IZUMO4: variants seen among roughly 807,000 people sequenced by gnomAD.
IZUMO4 encodes the protein IZUMO family member 4, also known as izumo sperm-egg fusion protein 4.
A neutral mutation model predicts 37.1 loss-of-function variants in IZUMO4; 51 were observed. That is an observed-to-expected ratio of 1.38 (90% CI 1.10 to 1.74). IZUMO4 has a LOEUF of 1.74. Among genes scored for constraint, IZUMO4 ranks in the 40% most tolerant of loss-of-function variants. The probability of loss-of-function intolerance (pLI) is 0.00; values close to 1 mark genes in which losing one functional copy is unlikely to be tolerated. For missense variants in IZUMO4, 364 were observed against 299.6 expected, an observed-to-expected ratio of 1.21 and a Z score of -1.59; for synonymous variants, 162 against 121.4, an observed-to-expected ratio of 1.33 and a Z score of -2.20.
Position 2,099,409 on chromosome 19 carries a change from T to C in IZUMO4, c.*64T>C, listed in dbSNP as rs1311698636. ...GACTCAGCTGGACAGCCCCTGCCTGTCACTCTGGAGCTGGGCTGCTGCTGC... is the reference window on the plus strand; with the variant it reads ...GACTCAGCTGGACAGCCCCTGCCTGCCACTCTGGAGCTGGGCTGCTGCTGC... On this transcript the variant is annotated 3_prime_UTR_variant, in exon 10 of 10. Transcript: ENST00000395301. The C allele has an allele frequency of 1.9e-6, 2 of 1,065,958 alleles. No homozygotes were observed. Among genetic ancestry groups the C allele is most frequent in the African/African-American group, 1.6e-5 (1 of 61,686 alleles). 66.0% of individuals were successfully genotyped at this position (1,065,958 alleles called of 1,614,324 possible). A position where few individuals can be genotyped will look rare whatever the true frequency, so the allele number is the denominator to read the frequency against.
At chr19:2,099,223 T>C (rs2017838348) in intron 9 of IZUMO4, 32 bp from the exon 10 acceptor site, 3 of 1,585,232 alleles carry the variant, frequency 1.9e-6, no homozygotes, top group African/African-American at 2.7e-5. Flanking sequence ...GTGGGGGACA[T>C]GGAGAGCTGA....
Position 2,097,014 on chromosome 19 carries a change from C to T in IZUMO4, c.69C>T (p.Ser23=). 4 of 1,611,734 alleles carry T rather than the reference C, an allele frequency of 2.5e-6. No homozygotes were observed. In the African/African-American group the frequency reaches 5.3e-5, roughly 21 times the overall value. The change falls in exon 1 of 10, where the codon AGC becomes AGT. Residue 23 remains serine (S), a synonymous_variant. Coordinates refer to ENST00000395301, the MANE Select transcript of IZUMO4 (RefSeq NM_001039846.2). The part of the protein sequence containing the change: ...ALAHGCLHCH[S]NFSKKFSFYR... ...CCCACGGCTGTCTGCACTGCCACAGCAACTTCTCCAAGAAGTTCTCCTTCT... is the reference window on the plus strand; with the variant it reads ...CCCACGGCTGTCTGCACTGCCACAGTAACTTCTCCAAGAAGTTCTCCTTCT...
Position 2,097,310 on chromosome 19 carries a change from C to T in IZUMO4, c.276C>T (p.Tyr92=), listed in dbSNP as rs1228835564. 3 of 1,612,768 alleles carry T rather than the reference C, an allele frequency of 1.9e-6. No individual in the cohort carries two copies. The highest frequency in any genetic ancestry group is 8.5e-7 in the Non-Finnish European group (1 of 1,179,894). Reference sequence around the variant, plus strand: ...TGTACCAGATGATGGATCAGCTGTACCAGGGGAAGATGTACTTCCCCGGTA... The same window carrying T: ...TGTACCAGATGATGGATCAGCTGTATCAGGGGAAGATGTACTTCCCCGGTA... ...TAVYQMMDQL[Y]QGKMYFPGYF... The change falls in exon 2 of 10, where the codon TAC becomes TAT. Residue 92 remains tyrosine (Y), a synonymous_variant. Transcript: ENST00000395301.
Position 2,097,288 on chromosome 19 carries a change from A to G in IZUMO4, c.254A>G (p.Tyr85Cys). Residue 85 changes from tyrosine to cysteine, a missense_variant, in exon 2 of 10, where the codon TAC becomes TGC. Coordinates refer to ENST00000395301, the MANE Select transcript of IZUMO4 (RefSeq NM_001039846.2). The part of the protein sequence containing the change: ...EKLDQVATAV[Y>C]QMMDQLYQGK... ...CTGGACCAAGTGGCGACAGCAGTGT[A>G]CCAGATGATGGATCAGCTGTACCAG... The G allele has an allele frequency of 1.2e-6, 2 of 1,612,770 alleles. No homozygotes were observed. Among genetic ancestry groups the G allele is most frequent in the South Asian group, 2.2e-5 (2 of 91,076 alleles).
chr19:2,097,041 C>A lies in IZUMO4; in HGVS notation c.96C>A (p.Tyr32Ter), dbSNP rs1289065565. ...ACTTCTCCAAGAAGTTCTCCTTCTA[C>A]CGCCACCATGTGAACTTCAAGTCCT... ...HSNFSKKFSF[Y>*]RHHVNFKSWW... The change falls in exon 1 of 10, where the codon TAC (tyrosine) becomes TAA (stop). Residue 32 changes from tyrosine to a stop codon, truncating the protein, a stop_gained. Transcript: ENST00000395301. LOFTEE classifies it high-confidence loss of function. The A allele has an allele frequency of 6.2e-7, 1 of 1,612,510 alleles. No individual in the cohort carries two copies. Among genetic ancestry groups the A allele is most frequent in the East Asian group, 2.2e-5 (1 of 44,886 alleles).
In IZUMO4 at chr19:2,098,101, C is replaced by T. The variant is rs146461646; in HGVS notation, c.447C>T (p.His149=). Residue 149 remains histidine, a synonymous_variant, in exon 5 of 10, where the codon CAC becomes CAT. Transcript: ENST00000395301. The part of the protein sequence containing the change: ...TISCNNCTDS[H]VACFGYNCES... Reference sequence around the variant, plus strand: ...CCTGCAACAACTGCACAGACTCGCACGTCGCCTGCTTTGGCTATAACTGCG... The same window carrying T: ...CCTGCAACAACTGCACAGACTCGCATGTCGCCTGCTTTGGCTATAACTGCG... The T allele has an allele frequency of 1.7e-4, 278 of 1,613,568 alleles. No homozygotes were observed. The African/African-American group carries it at 2.1e-3, about 12-fold the overall frequency.
At chr19:2,097,223 G>A (rs371221048) in intron 1 of IZUMO4, 29 bp from the exon 2 acceptor site, 27 of 1,608,926 alleles carry the variant, frequency 1.7e-5, no homozygotes, top group Non-Finnish European at 2.0e-5. Context: ...GGGGCAGGCC[G>A]GTCACCTGGC....
rs776661196 is a variant in IZUMO4, at chr19:2,099,369, C to T, written c.*24C>T. The T allele has an allele frequency of 1.3e-6, 2 of 1,548,282 alleles. No individual in the cohort carries two copies. Among genetic ancestry groups the T allele is most frequent in the Non-Finnish European group, 8.8e-7 (1 of 1,129,998 alleles). The stretch of plus-strand genomic sequence containing the variant: ...GACAGCAGCTGGGCCTGCCCCAGGG[C>T]AACGTGGGGGCGGAGACTCAGCTGG... On this transcript the variant is annotated 3_prime_UTR_variant, in exon 10 of 10. Transcript: ENST00000395301.
Position 2,097,124 on chromosome 19 carries a change from C to T in IZUMO4, c.179C>T (p.Thr60Met), listed in dbSNP as rs765847040. 1 of 1,612,308 alleles carries T rather than the reference C, an allele frequency of 6.2e-7. No individual in the cohort carries two copies. Among genetic ancestry groups the T allele is most frequent in the Non-Finnish European group, 8.5e-7 (1 of 1,179,694 alleles). The change falls in exon 1 of 10, where the codon ACG becomes ATG. Residue 60 changes from threonine (T) to methionine (M), a missense_variant. Physicochemically the swap from Thr to Met is moderately conservative, Grantham distance 81 (BLOSUM62 -1). Coordinates refer to ENST00000395301, the MANE Select transcript of IZUMO4 (RefSeq NM_001039846.2). ...GALLTDWSDDTMKELHLAIPA... is the reference protein window; with the variant it reads ...GALLTDWSDDMMKELHLAIPA... Reference sequence around the variant, plus strand: ...CTGCTCACCGACTGGAGCGACGACACGATGAAGGAGCTGCACCTGGCCATC... The same window carrying T: ...CTGCTCACCGACTGGAGCGACGACATGATGAAGGAGCTGCACCTGGCCATC...
intron 9 of IZUMO4, 44 bp from the exon 10 acceptor site, chr19:2,099,211 G>T: frequency 6.4e-7 from 1 of 1,559,492 alleles, no homozygotes; most frequent in Non-Finnish European, 8.8e-7. Flanking sequence ...GGGAGGCAGG[G>T]GGTGGGGGAC....
intron 7 of IZUMO4, 42 bp from the exon 8 acceptor site, chr19:2,098,745 G>T (rs758256711): frequency 5.6e-6 from 9 of 1,604,836 alleles, no homozygotes; most frequent in Admixed American, 1.7e-5. Context: ...GATGGTTAGG[G>T]GTGCCCCATG....
Position 2,099,292 on chromosome 19 carries a change from C to G in IZUMO4, c.646C>G (p.His216Asp), listed in dbSNP as rs1351011388. 6.2e-7 allele frequency: 1 copy of G among 1,613,610 alleles called. No individual in the cohort carries two copies. The highest frequency in any genetic ancestry group is 1.3e-5 in the African/African-American group (1 of 75,038). The change falls in exon 10 of 10, where the codon CAC becomes GAC. Residue 216 changes from histidine (H) to aspartate (D), a missense_variant. Coordinates refer to ENST00000395301, the MANE Select transcript of IZUMO4 (RefSeq NM_001039846.2). Reference protein sequence around the residue: ...SPALRCLEPPHLANLTLEDAA... With the variant: ...SPALRCLEPPDLANLTLEDAA... ...AGCCTTAAGGTGTCTGGAGCCCCCA[C>G]ACTTGGCCAACCTGACCTTGGAAGA... is the stretch of plus-strand genomic sequence containing the variant.
At position 2,099,344 on chromosome 19, in the gene IZUMO4, G is replaced by C; in HGVS notation, c.698G>C (p.Ter233SerextTer74). 5 of 1,610,376 alleles carry C rather than the reference G, an allele frequency of 3.1e-6. No homozygotes were observed. The highest frequency in any genetic ancestry group is 4.2e-6 in the Non-Finnish European group (5 of 1,178,088). Residue 233 changes from the stop codon to serine (S), a stop_lost, in exon 10 of 10, where the codon TGA becomes TCA. Transcript: ENST00000395301. ...GCTGCTGAGTGTCTCAAGCAGCACT[G>C]ACAGCAGCTGGGCCTGCCCCAGGGC... ...EDAAECLKQH* is the reference protein window; with the variant it reads ...EDAAECLKQHS
chr19:2,098,090 A>G lies in IZUMO4; in HGVS notation c.436A>G (p.Thr146Ala). Residue 146 changes from threonine to alanine, a missense_variant, in exon 5 of 10, where the codon ACA (threonine) becomes GCA (alanine). Physicochemically the swap from Thr to Ala is moderately conservative, Grantham distance 58. Coordinates refer to ENST00000395301, the MANE Select transcript of IZUMO4 (RefSeq NM_001039846.2). ...QYETISCNNC[T>A]DSHVACFGYN... The stretch of plus-strand genomic sequence containing the variant: ...CGAGACCATCTCCTGCAACAACTGC[A>G]CAGACTCGCACGTCGCCTGCTTTGG... 1 of 1,613,530 alleles carries G rather than the reference A, an allele frequency of 6.2e-7. No individual in the cohort carries two copies. Among genetic ancestry groups the G allele is most frequent in the Non-Finnish European group, 8.5e-7 (1 of 1,179,992 alleles).
chr19:2,099,273 A>C lies in IZUMO4; in HGVS notation c.627A>C (p.Leu209Phe). ...CCCGCAGCCTGGTATCGCCAGCCTT[A>C]AGGTGTCTGGAGCCCCCACACTTGG... is the stretch of plus-strand genomic sequence containing the variant. ...ATPAFLVSPALRCLEPPHLAN... is the reference protein window; with the variant it reads ...ATPAFLVSPAFRCLEPPHLAN... The change falls in exon 10 of 10, where the codon TTA becomes TTC. Residue 209 changes from leucine to phenylalanine, a missense_variant. Physicochemically the swap from Leu to Phe is conservative, Grantham distance 22. Transcript: ENST00000395301. The C allele has an allele frequency of 3.1e-6, 5 of 1,612,716 alleles. No homozygotes were observed. In the African/African-American group the frequency reaches 5.4e-5, roughly 17 times the overall value.
rs1302138662 is a variant in IZUMO4 at position 2,097,421 on chromosome 19, CA to C, written c.299-2del. The C allele has an allele frequency of 6.2e-7, 1 of 1,611,908 alleles. No homozygotes were observed. Among genetic ancestry groups the C allele is most frequent in the Non-Finnish European group, 8.5e-7 (1 of 1,179,234 alleles). On this transcript the variant is annotated splice_acceptor_variant, in intron 2 of 9. Coordinates refer to ENST00000395301, the MANE Select transcript of IZUMO4 (RefSeq NM_001039846.2). LOFTEE classifies it high-confidence loss of function. ...CTGACCTTCTCCTGCCTCGACGACT[CA>C]GGGTATTTCCCCAACGAGCTGCGAA...
chr19:2,097,087 G>A lies in IZUMO4; in HGVS notation c.142G>A (p.Val48Met), dbSNP rs775818724. Residue 48 changes from valine (V) to methionine (M), a missense_variant, in exon 1 of 10, where the codon GTG (valine) becomes ATG (methionine). Physicochemically the swap from Val to Met is conservative, Grantham distance 21. Coordinates refer to ENST00000395301, the MANE Select transcript of IZUMO4 (RefSeq NM_001039846.2). ...GTCCTGGTGGGTGGGCGACATCCCC[G>A]TGTCAGGGGCGCTGCTCACCGACTG... ...FKSWWVGDIP[V>M]SGALLTDWSD... The A allele has an allele frequency of 2.1e-5, 34 of 1,612,668 alleles. No individual in the cohort carries two copies. The highest frequency in any genetic ancestry group is 1.3e-4 in the Admixed American group (8 of 60,004).
intron 9 of IZUMO4, 74 bp downstream of exon 9, chr19:2,099,103 A>C (rs994023217): frequency 6.8e-7 from 1 of 1,463,362 alleles, no homozygotes; most frequent in East Asian, 2.3e-5. Context: ...CGCGGCCTGC[A>C]CACCCTGCTG....
At position 2,097,102 on chromosome 19, in the gene IZUMO4, C is replaced by T. The variant is rs1407580912; in HGVS notation, c.157C>T (p.Leu53Phe). 1.2e-6 allele frequency: 2 copies of T among 1,612,720 alleles called. No homozygotes were observed. Among genetic ancestry groups the T allele is most frequent in the South Asian group, 1.1e-5 (1 of 91,086 alleles). ...CGACATCCCCGTGTCAGGGGCGCTG[C>T]TCACCGACTGGAGCGACGACACGAT... is the stretch of plus-strand genomic sequence containing the variant. ...VGDIPVSGAL[L>F]TDWSDDTMKE... The change falls in exon 1 of 10, where the codon CTC (leucine) becomes TTC (phenylalanine). Residue 53 changes from leucine to phenylalanine, a missense_variant. Leu to Phe is a conservative substitution (Grantham distance 22, BLOSUM62 0). Transcript: ENST00000395301.
Sources: allele counts gnomAD v4.1 joint callset, GRCh38; gene constraint gnomAD v4.1.1; transcripts MANE v1.5; gene names NCBI Gene and HGNC (gene_info 2026-07-23, HGNC 2026-07-21).